CNTNAP2: variants seen among roughly 807,000 people sequenced by gnomAD.
CNTNAP2 encodes contactin-associated protein-like 2.
Under a neutral mutation model 155.2 loss-of-function variants are expected in CNTNAP2, and 98 were observed. The observed-to-expected ratio is 0.63, with a 90% confidence interval of 0.54 to 0.75. CNTNAP2 has a LOEUF of 0.75. Ranked by LOEUF, CNTNAP2 falls within the 30% of genes least tolerant of loss-of-function variation. The pLI, the probability that CNTNAP2 is intolerant of heterozygous loss-of-function variation, is 0.00. For synonymous variants in CNTNAP2, 651 were observed against 631.2 expected (o/e 1.03, Z -0.47); for missense variants, 1,727 against 1,688.1 (o/e 1.02, Z -0.40).
At chr7:146,404,844 T>C (rs566678276) in intron 1 of CNTNAP2, among the ~76,000 whole-genome samples, 64 of 152,284 alleles carry the variant, frequency 4.2e-4, no homozygotes, top group African/African-American at 1.5e-3. Flanking sequence ...ATCCTTCACA[T>C]GTCAACTCAA....
chr7:146,547,241 G>T (rs1798042904), intron 1 of CNTNAP2, among the ~76,000 whole-genome samples: 1 of 152,054 alleles, frequency 6.6e-6, no homozygotes, highest in African/African-American at 2.4e-5. Flanking sequence ...GCCATAGAGT[G>T]TAACTGTAAA....
At chr7:147,136,785 A>G (rs1323531169) in intron 8 of CNTNAP2, among the ~76,000 whole-genome samples, 1 of 152,002 alleles carries the variant, frequency 6.6e-6, no homozygotes, top group Non-Finnish European at 1.5e-5. Flanking sequence ...TCATCATATG[A>G]GAAAAAAGGT....
intron 11 of CNTNAP2, among the ~76,000 whole-genome samples, chr7:147,514,461 G>A (rs1658289131): frequency 6.6e-6 from 1 of 151,316 alleles, no homozygotes; most frequent in Admixed American, 6.6e-5. Context: ...TTTGTTTCTT[G>A]TTTTTCAAGC....
intron 10 of CNTNAP2, among the ~76,000 whole-genome samples, chr7:147,404,365 G>A (rs182060186): frequency 1.3e-3 from 194 of 152,254 alleles, no homozygotes; most frequent in African/African-American, 4.2e-3. Flanking sequence ...AAGCTCTTGC[G>A]TCCTAAAACC....
chr7:147,820,530 T>C (rs1247004867), intron 13 of CNTNAP2, among the ~76,000 whole-genome samples: 1 of 152,152 alleles, frequency 6.6e-6, no homozygotes, highest in African/African-American at 2.4e-5. Flanking sequence ...TTAAGTTCAA[T>C]TTAAATATTT....
intron 1 of CNTNAP2, among the ~76,000 whole-genome samples, chr7:146,749,506 A>G (rs2129182304): frequency 6.6e-6 from 1 of 152,298 alleles, no homozygotes; most frequent in Non-Finnish European, 1.5e-5. Flanking sequence ...AGTCAATGAT[A>G]TTCAGCATCT....
chr7:147,851,893 A>G (rs1412446693), intron 13 of CNTNAP2, among the ~76,000 whole-genome samples: 1 of 152,136 alleles, frequency 6.6e-6, no homozygotes, highest in East Asian at 1.9e-4. Flanking sequence ...TATGTACCCT[A>G]GAACTTAAAA....
chr7:146,753,381 T>A (rs1277611144), intron 1 of CNTNAP2, among the ~76,000 whole-genome samples: 2 of 151,802 alleles, frequency 1.3e-5, no homozygotes, highest in South Asian at 4.2e-4. Context: ...AAAAAAAAAA[T>A]GTAAGAATGG....
chr7:146,962,538 GT>G (rs1036959309), intron 3 of CNTNAP2, among the ~76,000 whole-genome samples: 1 of 152,028 alleles, frequency 6.6e-6, no homozygotes, highest in Non-Finnish European at 1.5e-5. Context: ...AGTTAACATA[GT>G]TTTTTTGTTT....
In CNTNAP2 at chr7:148,218,908, T is replaced by C. The variant is rs372137054; in HGVS notation, c.3247+1384T>C. Among the ~76,000 whole-genome samples, 5 of 147,524 alleles carry C rather than the reference T, an allele frequency of 3.4e-5. No individual in the cohort carries two copies. In the South Asian group the frequency reaches 1.1e-3, roughly 33 times the overall value. ...GTCCACTTCCTCTCTGAAAATGAAC[T>C]CATATACCTTAGAATTCTAAGATCA... is the stretch of plus-strand genomic sequence containing the variant. On this transcript the variant is annotated intron_variant, in intron 19 of 23. Transcript: ENST00000361727.
Position 146,512,447 on chromosome 7 carries a change from A to G in CNTNAP2, c.98-261824A>G, listed in dbSNP as rs1485251531. Among the ~76,000 whole-genome samples the G allele has an allele frequency of 2.0e-5, 3 of 151,030 alleles. No individual in the cohort carries two copies. The East Asian group carries it at 5.8e-4, about 29-fold the overall frequency. ...CATTGCTATAAATTTTCCCTTTAGT[A>G]CTGCTTTTGCTGTATCCCATAGGTT... On this transcript the variant is annotated intron_variant, in intron 1 of 23. Transcript: ENST00000361727.
rs60507060 is a variant in CNTNAP2, at chr7:146,770,317, TACACACACACACAC to T, written c.98-3934_98-3921del. 4.2e-5 allele frequency among the ~76,000 whole-genome samples: 6 copies of T among 143,770 alleles called. No homozygotes were observed. The East Asian group carries it at 1.0e-3, about 25-fold the overall frequency. The allele number at this position is 143,770 out of a possible 152,430, so 94.3% of individuals were successfully genotyped here. A position where few individuals can be genotyped will look rare whatever the true frequency, so the allele number is the denominator to read the frequency against. On this transcript the variant is annotated intron_variant, in intron 1 of 23. Transcript: ENST00000361727. ...AATTATATATATATATGTGTGTGTA[TACACACACACACAC>T]ACACACACACACACACACATATACA...
At chr7:146,816,440 A>G (rs956016771) in intron 2 of CNTNAP2, among the ~76,000 whole-genome samples, 2 of 152,160 alleles carry the variant, frequency 1.3e-5, no homozygotes, top group African/African-American at 4.8e-5. Context: ...AGTATTCCCA[A>G]TCGAGGACCT....
At chr7:146,884,045 A>G (rs1232170036) in intron 3 of CNTNAP2, among the ~76,000 whole-genome samples, 2 of 152,124 alleles carry the variant, frequency 1.3e-5, no homozygotes, top group Non-Finnish European at 2.9e-5. Flanking sequence ...CTGATTTCTA[A>G]CTATTATTTT....
intron 23 of CNTNAP2, among the ~76,000 whole-genome samples, chr7:148,413,214 A>T (rs187418267): frequency 1.4e-3 from 206 of 150,980 alleles, no homozygotes; most frequent in Non-Finnish European, 2.6e-3. Context: ...CAACACAGTG[A>T]AACCCCGTCT....
chr7:146,883,755 T>C (rs1222337141), intron 3 of CNTNAP2, among the ~76,000 whole-genome samples: 3 of 152,158 alleles, frequency 2.0e-5, no homozygotes, highest in African/African-American at 7.2e-5. Context: ...AAACAATTGA[T>C]CAAAACACTA....
chr7:147,644,553 C>A (rs1469575258), intron 13 of CNTNAP2, among the ~76,000 whole-genome samples: 1 of 152,088 alleles, frequency 6.6e-6, no homozygotes, highest in African/African-American at 2.4e-5. Context: ...ACTCGGGAGG[C>A]AGAGGTTGCA....
At chr7:147,201,759 C>A (rs977358897) in intron 8 of CNTNAP2, among the ~76,000 whole-genome samples, 1 of 152,046 alleles carries the variant, frequency 6.6e-6, no homozygotes, top group African/African-American at 2.4e-5. Flanking sequence ...TGTGGGTGTC[C>A]CTTTCACTTT....
chr7:148,172,582 G>A, intron 18 of CNTNAP2, 104 bp downstream of exon 18: 1 of 1,035,184 alleles, frequency 9.7e-7, no homozygotes, highest in Non-Finnish European at 1.5e-6. Context: ...TTATTCTGAG[G>A]TTAAGATGAT....
Sources: allele counts gnomAD v4.1 joint callset (sites outside exome capture counted in the v4.1 genomes callset), GRCh38; gene constraint gnomAD v4.1.1; transcripts MANE v1.5; gene names NCBI Gene and HGNC (gene_info 2026-07-23, HGNC 2026-07-21).